SNX29: variants seen among roughly 807,000 people sequenced by gnomAD.
SNX29 encodes sorting nexin-29.
In SNX29, 78 loss-of-function variants were observed where a neutral mutation model predicts 102.1. The ratio of observed to expected loss-of-function variants is 0.76; its 90% CI spans 0.64 to 0.92. SNX29 has a LOEUF of 0.92. Among genes scored for constraint, SNX29 ranks in the 40% least tolerant of loss-of-function variants. SNX29 has a pLI of 0.00. For synonymous variants in SNX29, 580 were observed against 414.5 expected, an observed-to-expected ratio of 1.40 and a Z score of -4.85; for missense variants, 1,280 against 1,061.7, an observed-to-expected ratio of 1.21 and a Z score of -2.86.
chr16:12,424,988 C>A (rs571003598), intron 18 of SNX29, among the ~76,000 whole-genome samples: 5 of 152,230 alleles, frequency 3.3e-5, no homozygotes, highest in Admixed American at 2.6e-4. Flanking sequence ...CACAGTGGAA[C>A]CTTGGGCTGC....
intron 19 of SNX29, among the ~76,000 whole-genome samples, chr16:12,483,558 A>G (rs2088078735): frequency 6.6e-6 from 1 of 151,328 alleles, no homozygotes; most frequent in Admixed American, 6.6e-5. Flanking sequence ...CTCGTGATCC[A>G]CCCACCTCAG....
chr16:12,517,625 C>T (rs947180190), intron 19 of SNX29, among the ~76,000 whole-genome samples: 2 of 152,174 alleles, frequency 1.3e-5, no homozygotes, highest in Admixed American at 6.5e-5. Context: ...TTGGGATCTC[C>T]AGGCGCTGTG....
At chr16:12,246,985 G>C (rs1232171160) in intron 14 of SNX29, among the ~76,000 whole-genome samples, 3 of 152,150 alleles carry the variant, frequency 2.0e-5, no homozygotes, top group Non-Finnish European at 4.4e-5. Flanking sequence ...GTTGAGAAGA[G>C]GCCTGTGTTG....
intron 20 of SNX29, chr16:12,561,194 C>T (rs975955535): frequency 1.3e-4 from 29 of 230,224 alleles, no homozygotes; most frequent in Non-Finnish European, 2.5e-4. Context: ...TCTGATACTG[C>T]CCATCAGGAC....
chr16:12,301,997 A>T (rs1320545819), intron 15 of SNX29, among the ~76,000 whole-genome samples: 1 of 152,216 alleles, frequency 6.6e-6, no homozygotes, highest in African/African-American at 2.4e-5. Flanking sequence ...AGTTATATAC[A>T]AAAGAAAGAT....
At chr16:12,248,195 A>G (rs2078315603) in intron 14 of SNX29, among the ~76,000 whole-genome samples, 1 of 152,142 alleles carries the variant, frequency 6.6e-6, no homozygotes, top group African/African-American at 2.4e-5. Context: ...CCTACCTGGA[A>G]CACAATCATA....
At chr16:12,407,176 C>A (rs200132026) in intron 18 of SNX29, among the ~76,000 whole-genome samples, 2 of 40,654 alleles carry the variant, frequency 4.9e-5, no homozygotes, top group Non-Finnish European at 1.6e-4. Flanking sequence ...AGGGCCCCCG[C>A]TTTTTCAGCC....
At chr16:12,377,670 T>A (rs2151410636) in intron 16 of SNX29, among the ~76,000 whole-genome samples, 1 of 152,284 alleles carries the variant, frequency 6.6e-6, no homozygotes, top group South Asian at 2.1e-4. Context: ...CTGATGGTGG[T>A]TACGGTGGTG....
chr16:12,067,997 A>G (rs1373750537), intron 9 of SNX29, among the ~76,000 whole-genome samples: 1 of 135,896 alleles, frequency 7.4e-6, no homozygotes, highest in Admixed American at 7.7e-5. Context: ...TAATGCAGGG[A>G]AAATTGGCCT....
chr16:12,160,272 T>C (rs895413763), intron 13 of SNX29, among the ~76,000 whole-genome samples: 9 of 152,154 alleles, frequency 5.9e-5, no homozygotes, highest in African/African-American at 1.9e-4. Flanking sequence ...TCAGGGGGCA[T>C]GGTAGGAGTA....
Position 12,299,751 on chromosome 16 carries a change from C to A in SNX29, c.1782+21715C>A, listed in dbSNP as rs375497434. Among the ~76,000 whole-genome samples, 6 of 149,250 alleles carry A rather than the reference C, an allele frequency of 4.0e-5. No individual in the cohort carries two copies. In the South Asian group the frequency reaches 1.3e-3, roughly 32 times the overall value. On this transcript the variant is annotated intron_variant, in intron 15 of 20. Coordinates refer to ENST00000566228, the MANE Select transcript of SNX29 (RefSeq NM_032167.5). ...TTTTTAGTAGACTATATATTATGAT[C>A]CATAGATACTTCTAATTCAAATTTC...
At chr16:12,021,808 T>C (rs541128527) in intron 3 of SNX29, among the ~76,000 whole-genome samples, 1 of 151,050 alleles carries the variant, frequency 6.6e-6, no homozygotes, top group East Asian at 1.9e-4. Context: ...CAGGATAATC[T>C]CGAACGTGGG....
chr16:12,200,586 G>A (rs1466259240), intron 14 of SNX29, among the ~76,000 whole-genome samples: 2 of 151,944 alleles, frequency 1.3e-5, no homozygotes, highest in African/African-American at 2.4e-5. Context: ...GGGTTCAAGC[G>A]ATTCTCCTGC....
intron 19 of SNX29, among the ~76,000 whole-genome samples, chr16:12,496,936 G>T (rs2088857146): frequency 6.6e-6 from 1 of 152,094 alleles, no homozygotes; most frequent in African/African-American, 2.4e-5. Flanking sequence ...ACAGGTTCAG[G>T]CATGCACTCG....
At chr16:12,547,510 T>C (rs2077682529) in intron 20 of SNX29, among the ~76,000 whole-genome samples, 1 of 152,042 alleles carries the variant, frequency 6.6e-6, no homozygotes, top group African/African-American at 2.4e-5. Flanking sequence ...GGTTTCAATG[T>C]GGGTGTGAGA....
intron 3 of SNX29, among the ~76,000 whole-genome samples, chr16:12,025,823 T>A (rs954594399): frequency 6.6e-6 from 1 of 152,152 alleles, no homozygotes. Flanking sequence ...ATGTTTTTCG[T>A]GATGATATGG....
intron 16 of SNX29, among the ~76,000 whole-genome samples, chr16:12,378,761 G>C (rs1043362994): frequency 6.6e-6 from 1 of 152,116 alleles, no homozygotes; most frequent in Non-Finnish European, 1.5e-5. Context: ...TGGAAACCTG[G>C]TACATTTCTG....
chr16:12,545,087 A>C (rs1444129337), intron 20 of SNX29, among the ~76,000 whole-genome samples: 3 of 152,196 alleles, frequency 2.0e-5, no homozygotes, highest in Admixed American at 6.5e-5. Context: ...TGTGCCAGCC[A>C]TCAGACCCAG....
At chr16:12,241,902 G>A (rs1001249826) in intron 14 of SNX29, among the ~76,000 whole-genome samples, 1 of 152,188 alleles carries the variant, frequency 6.6e-6, no homozygotes, top group South Asian at 2.1e-4. Flanking sequence ...TTCATGTTCA[G>A]TGTGGAAAGG....
Sources: allele counts gnomAD v4.1 joint callset (sites outside exome capture counted in the v4.1 genomes callset), GRCh38; gene constraint gnomAD v4.1.1; transcripts MANE v1.5; gene names NCBI Gene and HGNC (gene_info 2026-07-23, HGNC 2026-07-21).